The following SKIC3 variants were observed in gnomAD, a reference collection of about 807,000 sequenced individuals.
The protein encoded by SKIC3 is superkiller complex protein 3.
chr5:95,542,484 A>G, the SKIC3 span, among the ~76,000 whole-genome samples: 2 of 152,150 alleles, frequency 1.3e-5, no homozygotes, highest in African/African-American at 4.8e-5. Context: ...TACCTTTATG[A>G]TATGATCAAA....
chr5:95,550,537 T>TA, the SKIC3 span: 2 of 152,020 alleles, frequency 1.3e-5, no homozygotes, highest in Non-Finnish European at 3.0e-5. Context: ...AATCATTAAG[T>TA]AAAAATAGAT....
chr5:95,484,698 G>C, the SKIC3 span: 1 of 1,613,786 alleles, frequency 6.2e-7, no homozygotes, highest in Non-Finnish European at 8.5e-7. Flanking sequence ...GAATCCATGA[G>C]TTTCAATGCA....
the SKIC3 span, chr5:95,484,838 G>GTC: frequency 6.2e-7 from 1 of 1,613,686 alleles, no homozygotes; most frequent in Non-Finnish European, 8.5e-7. Context: ...AGAATTTTTC[G>GTC]TCTTTAACTG....
the SKIC3 span, among the ~76,000 whole-genome samples, chr5:95,496,110 C>T: frequency 2.1e-4 from 32 of 151,994 alleles, 2 homozygotes; most frequent in South Asian, 5.6e-3. Flanking sequence ...CTCCGCCTCC[C>T]GGGTTCAAGT....
At chr5:95,517,869 C>A in the SKIC3 span, among the ~76,000 whole-genome samples, 2 of 152,032 alleles carry the variant, frequency 1.3e-5, no homozygotes, top group Non-Finnish European at 2.9e-5. Flanking sequence ...GGCTCTGCCT[C>A]CCTAAATGGA....
chr5:95,523,953 A>C, the SKIC3 span: 1 of 1,078,520 alleles, frequency 9.3e-7, no homozygotes, highest in South Asian at 1.6e-5. Flanking sequence ...TTAAACATAC[A>C]AAAATATGCC....
chr5:95,523,780 A>G, the SKIC3 span: 33 of 1,613,520 alleles, frequency 2.0e-5, no homozygotes, highest in East Asian at 6.5e-4. Flanking sequence ...ACGTCTCTAT[A>G]ATAATGACCT....
At chr5:95,487,222 G>A in the SKIC3 span, among the ~76,000 whole-genome samples, 2 of 152,250 alleles carry the variant, frequency 1.3e-5, no homozygotes, top group East Asian at 3.9e-4. Flanking sequence ...GCTGGGACTG[G>A]CTCTCCTTGC....
At chr5:95,541,678 T>C in the SKIC3 span, 3 of 699,268 alleles carry the variant, frequency 4.3e-6, no homozygotes, top group Admixed American at 6.0e-5. Flanking sequence ...TCACAAAAGA[T>C]TCTACGACAA....
chr5:95,490,195 G>T, the SKIC3 span, among the ~76,000 whole-genome samples: 16 of 151,836 alleles, frequency 1.1e-4, no homozygotes, highest in Admixed American at 7.2e-4. Context: ...GGAATCATGG[G>T]ACAATTTCAA....
the SKIC3 span, chr5:95,497,610 G>A: frequency 2.8e-6 from 2 of 710,292 alleles, no homozygotes; most frequent in Non-Finnish European, 4.9e-6. Context: ...CATATTAATT[G>A]CGCATGTTTG....
chr5:95,541,271 A>G, the SKIC3 span: 4 of 1,603,374 alleles, frequency 2.5e-6, no homozygotes, highest in Non-Finnish European at 2.6e-6. Context: ...CAGCCCATCT[A>G]TTATTAAAAG....
the SKIC3 span, chr5:95,507,017 A>G: frequency 6.2e-7 from 1 of 1,611,096 alleles, no homozygotes; most frequent in Non-Finnish European, 8.5e-7. Flanking sequence ...TTGCCCTTAA[A>G]AAAAAAAAGG....
chr5:95,551,203 C>T, the SKIC3 span, among the ~76,000 whole-genome samples: 1 of 151,938 alleles, frequency 6.6e-6, no homozygotes, highest in Non-Finnish European at 1.5e-5. Context: ...AAAATAGTAA[C>T]ACAACTACAC....
the SKIC3 span, chr5:95,494,685 G>A: frequency 6.2e-7 from 1 of 1,613,318 alleles, no homozygotes; most frequent in Non-Finnish European, 8.5e-7. Context: ...TATGCACCTG[G>A]AGAAAGGAGA....
the SKIC3 span, among the ~76,000 whole-genome samples, chr5:95,534,402 C>T: frequency 6.6e-6 from 1 of 152,190 alleles, no homozygotes; most frequent in South Asian, 2.1e-4. Flanking sequence ...TTACTATCCC[C>T]TCTGCGGGCT....
chr5:95,465,855 C>A, the SKIC3 span, among the ~76,000 whole-genome samples: 4 of 152,120 alleles, frequency 2.6e-5, 1 homozygote, highest in South Asian at 8.3e-4. Context: ...GTTCACTATA[C>A]GAATATCTTT....
the SKIC3 span, chr5:95,516,307 G>A: frequency 6.2e-7 from 1 of 1,600,396 alleles, no homozygotes. Context: ...CAATAATATA[G>A]AAAACATTCT....
chr5:95,470,216 G>C, the SKIC3 span, among the ~76,000 whole-genome samples: 4 of 152,034 alleles, frequency 2.6e-5, no homozygotes, highest in African/African-American at 9.7e-5. Flanking sequence ...CTGACCTCGT[G>C]ATCCGCCCAC....
Sources: gnomAD v4.1 joint callset for allele counts (sites outside exome capture counted in the v4.1 genomes callset) on GRCh38, gnomAD v4.1.1 for gene constraint, MANE v1.5 for transcripts, NCBI Gene and HGNC (gene_info 2026-07-23, HGNC 2026-07-21) for gene names.